DAB1: variants seen among roughly 807,000 people sequenced by gnomAD.
The protein encoded by DAB1 is disabled homolog 1.
DAB1 carries 15 observed loss-of-function variants against 64.6 expected under a neutral mutation model. The ratio of observed to expected loss-of-function variants is 0.23; its 90% confidence interval spans 0.16 to 0.36. DAB1 has a LOEUF of 0.36. DAB1 is among the 10% of genes least tolerant of loss of function. The pLI, the probability that DAB1 is intolerant of heterozygous loss-of-function variation, is 1.00. For missense variants in DAB1, 596 were observed against 706.7 expected, an observed-to-expected ratio of 0.84 and a Z score of 1.78; for synonymous variants, 235 against 251.9, an observed-to-expected ratio of 0.93 and a Z score of 0.64.
intron 4 of DAB1, among the ~76,000 whole-genome samples, chr1:58,200,401 AT>A (rs1367611753): frequency 1.3e-5 from 2 of 152,134 alleles, no homozygotes; most frequent in Non-Finnish European, 2.9e-5. Flanking sequence ...TCCAAATCTA[AT>A]ACATTATTGC....
chr1:58,200,282 T>C (rs1421079428), intron 4 of DAB1, among the ~76,000 whole-genome samples: 1 of 152,142 alleles, frequency 6.6e-6, no homozygotes, highest in Non-Finnish European at 1.5e-5. Context: ...CTACATGAAC[T>C]TGCCCAAGGT....
chr1:57,520,454 A>G (rs1644512320), intron 7 of DAB1, among the ~76,000 whole-genome samples: 2 of 152,156 alleles, frequency 1.3e-5, no homozygotes, highest in East Asian at 1.9e-4. Context: ...TTAAGGGTCA[A>G]TTTTTTTGTT....
chr1:57,469,727 G>C (rs1418950019), intron 7 of DAB1, among the ~76,000 whole-genome samples: 3 of 152,116 alleles, frequency 2.0e-5, no homozygotes, highest in East Asian at 1.9e-4. Flanking sequence ...CTGATACAAA[G>C]AGGTTACATT....
At chr1:57,443,771 C>A (rs902456822) in intron 7 of DAB1, among the ~76,000 whole-genome samples, 1 of 152,186 alleles carries the variant, frequency 6.6e-6, no homozygotes, top group Non-Finnish European at 1.5e-5. Flanking sequence ...CAAAGCAGTT[C>A]ACCTCCATCA....
chr1:57,882,386 G>A (rs1289517897), intron 1 of DAB1, among the ~76,000 whole-genome samples: 2 of 152,212 alleles, frequency 1.3e-5, no homozygotes, highest in African/African-American at 4.8e-5. Flanking sequence ...CCCCTTCTCA[G>A]AGTCCTAGAC....
intron 1 of DAB1, among the ~76,000 whole-genome samples, chr1:57,852,841 T>C (rs1209758209): frequency 6.6e-6 from 1 of 152,142 alleles, no homozygotes; most frequent in East Asian, 1.9e-4. Context: ...GAATGGAAAC[T>C]CTATGAGGGT....
intron 7 of DAB1, among the ~76,000 whole-genome samples, chr1:57,523,160 G>T (rs930152497): frequency 6.6e-6 from 1 of 152,014 alleles, no homozygotes. Context: ...TCCCTCTAGA[G>T]AACCCTGACG....
chr1:57,574,516 T>C (rs1432017508), intron 7 of DAB1, among the ~76,000 whole-genome samples: 1 of 152,180 alleles, frequency 6.6e-6, no homozygotes, highest in Non-Finnish European at 1.5e-5. Flanking sequence ...ATTAAGCATT[T>C]CTCCTAGATC....
intron 9 of DAB1, among the ~76,000 whole-genome samples, chr1:57,048,097 C>A (rs1648757182): frequency 6.6e-6 from 1 of 152,152 alleles, no homozygotes; most frequent in African/African-American, 2.4e-5. Context: ...CAGTCATTAT[C>A]CTCATTTTAC....
chr1:57,653,769 C>T (rs767015471), intron 6 of DAB1, among the ~76,000 whole-genome samples: 102 of 152,262 alleles, frequency 6.7e-4, no homozygotes, highest in Non-Finnish European at 1.2e-3. Context: ...CCCACCACCA[C>T]GATCGGCTAA....
chr1:58,197,242 T>C (rs535878306), intron 4 of DAB1, among the ~76,000 whole-genome samples: 3 of 152,272 alleles, frequency 2.0e-5, no homozygotes, highest in African/African-American at 4.8e-5. Context: ...ACAAGATCTA[T>C]TGAAAGCCTG....
chr1:57,201,109 G>T (rs1164989243), intron 2 of DAB1, among the ~76,000 whole-genome samples: 1 of 152,184 alleles, frequency 6.6e-6, no homozygotes, highest in Non-Finnish European at 1.5e-5. Flanking sequence ...TGATAGCAAG[G>T]TCTGTGTCTT....
intron 1 of DAB1, among the ~76,000 whole-genome samples, chr1:57,294,758 C>A (rs1332763240): frequency 6.6e-6 from 1 of 152,158 alleles, no homozygotes. Flanking sequence ...TTGTCCAAAG[C>A]CACATAGCTA....
At chr1:58,239,208 T>C (rs1290455060) in intron 4 of DAB1, among the ~76,000 whole-genome samples, 2 of 152,240 alleles carry the variant, frequency 1.3e-5, no homozygotes, top group South Asian at 2.1e-4. Flanking sequence ...TCAGAGCTTC[T>C]AACCTTAGAA....
At chr1:58,496,615 G>A (rs940270311) in intron 3 of DAB1, among the ~76,000 whole-genome samples, 12 of 152,184 alleles carry the variant, frequency 7.9e-5, no homozygotes, top group African/African-American at 2.7e-4. Flanking sequence ...TCCTTGTGGA[G>A]TTATTAAAGG....
chr1:57,412,162 A>G (rs1684164635), intron 1 of DAB1, among the ~76,000 whole-genome samples: 1 of 152,252 alleles, frequency 6.6e-6, no homozygotes, highest in African/African-American at 2.4e-5. Context: ...AATGAACTTA[A>G]TAAATAAATG....
intron 3 of DAB1, among the ~76,000 whole-genome samples, chr1:58,414,661 A>G (rs79364717): frequency 0.033 from 5,093 of 152,238 alleles, 106 homozygotes; most frequent in African/African-American, 0.063. Flanking sequence ...ATAGAAGGAC[A>G]TATTGAGAAG....
At chr1:58,510,123 C>G (rs1646050834) in intron 2 of DAB1, among the ~76,000 whole-genome samples, 1 of 145,062 alleles carries the variant, frequency 6.9e-6, no homozygotes, top group Non-Finnish European at 1.5e-5. Context: ...AAAACACTTC[C>G]AAACTCATTT....
chr1:57,910,701 T>C (rs1569972996), intron 5 of DAB1, among the ~76,000 whole-genome samples: 1 of 152,318 alleles, frequency 6.6e-6, no homozygotes, highest in East Asian at 1.9e-4. Context: ...TATACCCTAA[T>C]AGATGCTCGT....
Sources: allele counts gnomAD v4.1 joint callset (sites outside exome capture counted in the v4.1 genomes callset), GRCh38; gene constraint gnomAD v4.1.1; transcripts MANE v1.5; gene names NCBI Gene and HGNC (gene_info 2026-07-23, HGNC 2026-07-21).